RAB11FIP3: variants seen among roughly 807,000 people sequenced by gnomAD.
The protein encoded by RAB11FIP3 is rab11 family-interacting protein 3.
Under a neutral mutation model 77.8 loss-of-function variants are expected in RAB11FIP3, and 17 were observed. That is an observed-to-expected ratio of 0.22 (90% CI 0.15 to 0.33). The LOEUF is 0.33. Ranked by LOEUF, RAB11FIP3 falls within the 10% of genes least tolerant of loss-of-function variation. RAB11FIP3 has a pLI of 1.00. For missense variants in RAB11FIP3, 1,005 were observed against 1,011.2 expected (o/e 0.99, Z 0.08); for synonymous variants, 437 against 448.2 (o/e 0.98, Z 0.31).
intron 4 of RAB11FIP3, among the ~76,000 whole-genome samples, chr16:488,456 T>C (rs2056205730): frequency 1.3e-5 from 2 of 152,098 alleles, no homozygotes; most frequent in Admixed American, 1.3e-4. Context: ...TCACCCAGGC[T>C]GGAGTGTAGT....
chr16:476,480 G>A (rs1344075288), intron 3 of RAB11FIP3, among the ~76,000 whole-genome samples: 1 of 152,160 alleles, frequency 6.6e-6, no homozygotes, highest in Non-Finnish European at 1.5e-5. Context: ...GCTCTGCTCA[G>A]GGCTCCATGA....
chr16:511,014 T>C (rs1204939876), intron 9 of RAB11FIP3, among the ~76,000 whole-genome samples: 35 of 86,614 alleles, frequency 4.0e-4, no homozygotes, highest in South Asian at 8.7e-4. Flanking sequence ...TCCCCGAAAG[T>C]CCGCCAACCC....
chr16:520,415 C>T, intron 12 of RAB11FIP3, 44 bp from the exon 13 acceptor site: 2 of 1,607,488 alleles, frequency 1.2e-6, no homozygotes, highest in Non-Finnish European at 1.7e-6. Flanking sequence ...TGCTCAGCCA[C>T]CAGCAGGGGC....
At position 505,482 on chromosome 16, in the gene RAB11FIP3, G is replaced by A. The variant is rs1225744970; in HGVS notation, c.1396-42G>A. 1.8e-5 allele frequency: 28 copies of A among 1,542,676 alleles called. No individual in the cohort carries two copies. The highest frequency in any genetic ancestry group is 2.3e-5 in the Non-Finnish European group (26 of 1,136,266). On this transcript the variant is annotated intron_variant, in intron 7 of 13. Transcript: ENST00000262305. The surrounding 1 kb of genome is among the most constrained non-coding windows in gnomAD (Gnocchi z 4.0). ...TTCCCTTGGGGGTGCAGGCCCTTCTGCTTCTGGCTGCCTGACCCTGAAGCC... is the reference window on the plus strand; with the variant it reads ...TTCCCTTGGGGGTGCAGGCCCTTCTACTTCTGGCTGCCTGACCCTGAAGCC...
chr16:463,596 G>A lies in RAB11FIP3; in HGVS notation c.808+2099G>A, dbSNP rs141773736. Among the ~76,000 whole-genome samples the A allele has an allele frequency of 6.6e-3, 997 of 152,014 alleles. 11 individuals are homozygous for A. The highest frequency in any genetic ancestry group is 0.023 in the African/African-American group (942 of 41,464). ...TGGGATTACAGGCATGTGCCATTGC[G>A]CCCAGCTAATTTTGTATTTTTAGTA... On this transcript the variant is annotated intron_variant, in intron 2 of 13. Coordinates refer to ENST00000262305, the MANE Select transcript of RAB11FIP3 (RefSeq NM_014700.4).
intron 9 of RAB11FIP3, among the ~76,000 whole-genome samples, chr16:517,055 G>C (rs146416873): frequency 2.0e-5 from 3 of 152,184 alleles, no homozygotes; most frequent in African/African-American, 7.2e-5. Flanking sequence ...TCAGAAAGCC[G>C]TGCGGACGTC....
Position 503,058 on chromosome 16 carries a change from C to T in RAB11FIP3, c.1356C>T (p.Pro452=), listed in dbSNP as rs147093689. 2.4e-5 allele frequency: 38 copies of T among 1,613,052 alleles called. No individual in the cohort carries two copies. Among genetic ancestry groups the T allele is most frequent in the East Asian group, 6.7e-5 (3 of 44,864 alleles). ...LTMEALEDPS[P]ELMEGPEEDI... is the part of the protein sequence containing the mutation. ...TGGAGGCCCTGGAGGACCCTTCCCC[C>T]GAGCTCATGGAGGGCCCAGAGGAGG... Residue 452 remains proline (P), a synonymous_variant, in exon 7 of 14, where the codon CCC becomes CCT. Coordinates refer to ENST00000262305, the MANE Select transcript of RAB11FIP3 (RefSeq NM_014700.4).
intron 1 of RAB11FIP3, among the ~76,000 whole-genome samples, chr16:442,555 G>A (rs999132202): frequency 6.6e-6 from 1 of 152,186 alleles, no homozygotes; most frequent in African/African-American, 2.4e-5. Context: ...TTGCTTCCAT[G>A]GTTCTCTACT....
Position 500,405 on chromosome 16 carries a change from G to A in RAB11FIP3, c.1302-2599G>A, listed in dbSNP as rs76424485. 1.5e-3 allele frequency among the ~76,000 whole-genome samples: 234 copies of A among 152,220 alleles called. 1 individual carries two copies. The East Asian group carries it at 0.028, about 18-fold the overall frequency. On this transcript the variant is annotated intron_variant, in intron 6 of 13. Coordinates refer to ENST00000262305, the MANE Select transcript of RAB11FIP3 (RefSeq NM_014700.4). ...GGGATTTAAATAAGCAGCCCCAGCC[G>A]GACGCGGTGGTTCACGCCTGTACTC...
At chr16:488,767 C>G in intron 4 of RAB11FIP3, 84 bp from the exon 5 acceptor site, 9 of 1,436,556 alleles carry the variant, frequency 6.3e-6, no homozygotes, top group Non-Finnish European at 8.5e-6. Flanking sequence ...TGTAGCACAC[C>G]CTATGGAAAG....
At chr16:495,069 C>T (rs1044503929) in intron 5 of RAB11FIP3, among the ~76,000 whole-genome samples, 1 of 149,676 alleles carries the variant, frequency 6.7e-6, no homozygotes, top group Non-Finnish European at 1.5e-5. Context: ...GGTTGCACCA[C>T]TGCACTTCAG....
chr16:500,718 TAAATA>T (rs1441758266), intron 6 of RAB11FIP3, among the ~76,000 whole-genome samples: 1 of 117,786 alleles, frequency 8.5e-6, no homozygotes, highest in African/African-American at 3.5e-5. Flanking sequence ...AAAAAAAAAT[TAAATA>T]AGTAAATAAA....
intron 4 of RAB11FIP3, among the ~76,000 whole-genome samples, chr16:487,486 G>A (rs1206623982): frequency 2.6e-5 from 4 of 152,182 alleles, no homozygotes; most frequent in Admixed American, 2.6e-4. Flanking sequence ...AGTGGTGCGT[G>A]GTGGGCATTT....
At chr16:482,983 T>C (rs2056077868) in intron 4 of RAB11FIP3, among the ~76,000 whole-genome samples, 1 of 152,186 alleles carries the variant, frequency 6.6e-6, no homozygotes, top group Admixed American at 6.5e-5. Flanking sequence ...GTTTCAAATG[T>C]TGCTCAACAT....
chr16:472,116 C>G lies in RAB11FIP3; in HGVS notation c.903+727C>G, dbSNP rs1312000389. On this transcript the variant is annotated intron_variant, in intron 3 of 13. Transcript: ENST00000262305. The surrounding 1 kb of genome is among the most constrained non-coding windows in gnomAD (Gnocchi z 4.1). ...CCGGTAGGGCCTGGGCTTCTCATGT[C>G]AGTCCTCTGAGCCCTGACTCCTCGA... Among the ~76,000 whole-genome samples the G allele has an allele frequency of 6.6e-6, 1 of 152,214 alleles. No individual in the cohort carries two copies. Among genetic ancestry groups the G allele is most frequent in the Non-Finnish European group, 1.5e-5 (1 of 68,028 alleles).
Position 426,033 on chromosome 16 carries a change from C to G in RAB11FIP3, c.27C>G (p.Pro9=). The part of the protein sequence containing the change: MASAPPAS[P]PGSEPPGPDP... ...TGGCGTCGGCCCCGCCGGCCTCGCC[C>G]CCGGGCTCGGAGCCGCCGGGGCCCG... The change falls in exon 1 of 14, where the codon CCC becomes CCG. Residue 9 remains proline (P), a synonymous_variant. Coordinates refer to ENST00000262305, the MANE Select transcript of RAB11FIP3 (RefSeq NM_014700.4). This position sits in a 1 kb window ranked among gnomAD's most constrained non-coding sequence, Gnocchi z 5.0. 1.3e-5 allele frequency: 13 copies of G among 995,614 alleles called. No homozygotes were observed. Among genetic ancestry groups the G allele is most frequent in the Non-Finnish European group, 1.6e-5 (13 of 838,186 alleles). 61.7% of individuals were successfully genotyped at this position (995,614 alleles called of 1,614,324 possible). A position where few individuals can be genotyped will look rare whatever the true frequency, so the allele number is the denominator to read the frequency against.
chr16:468,051 C>T (rs111164651), intron 2 of RAB11FIP3, among the ~76,000 whole-genome samples: 1 of 30,958 alleles, frequency 3.2e-5, no homozygotes, highest in Non-Finnish European at 6.5e-5. Flanking sequence ...GGTGCAGGGG[C>T]GTTGGAGGAG....
At chr16:480,103 G>A (rs546513009) in intron 3 of RAB11FIP3, among the ~76,000 whole-genome samples, 1 of 151,982 alleles carries the variant, frequency 6.6e-6, no homozygotes, top group African/African-American at 2.4e-5. Flanking sequence ...CCTGGCCAAC[G>A]TGGTGAAACC....
chr16:491,625 A>G (rs781698088), intron 5 of RAB11FIP3, among the ~76,000 whole-genome samples: 2 of 152,272 alleles, frequency 1.3e-5, no homozygotes, highest in African/African-American at 2.4e-5. Context: ...CTTTAAGAAC[A>G]GATATGTAAA....
Sources: allele counts gnomAD v4.1 joint callset (sites outside exome capture counted in the v4.1 genomes callset), GRCh38; gene constraint gnomAD v4.1.1; non-coding constraint Gnocchi (gnomAD v3.1); transcripts MANE v1.5; gene names NCBI Gene and HGNC (gene_info 2026-07-23, HGNC 2026-07-21).